Variants in ASAP1 observed in about 807,000 individuals in gnomAD.
ASAP1 encodes the protein arf-GAP with SH3 domain, ANK repeat and PH domain-containing protein 1.
ASAP1 carries 43 observed loss-of-function variants against 145.2 expected under a neutral mutation model. The ratio of observed to expected loss-of-function variants is 0.30; its 90% CI spans 0.23 to 0.38. The LOEUF (loss-of-function observed/expected upper bound fraction) is 0.38. Among genes scored for constraint, ASAP1 ranks in the 10% least tolerant of loss-of-function variants. The probability of loss-of-function intolerance (pLI) is 1.00; values close to 1 mark genes in which losing one functional copy is unlikely to be tolerated. For synonymous variants in ASAP1, 546 were observed against 515.5 expected, an observed-to-expected ratio of 1.06 and a Z score of -0.80; for missense variants, 1,018 against 1,355.3, an observed-to-expected ratio of 0.75 and a Z score of 3.91.
chr8:130,393,513 T>C (rs1420010682), intron 2 of ASAP1, among the ~76,000 whole-genome samples: 1 of 152,204 alleles, frequency 6.6e-6, no homozygotes, highest in Non-Finnish European at 1.5e-5. Flanking sequence ...CCCAGCACTT[T>C]GGGAGGCCAA....
rs553144852 is a variant in ASAP1, at chr8:130,087,391, G to C, written c.2572+4582C>G. Among the ~76,000 whole-genome samples the C allele has an allele frequency of 1.2e-3, 183 of 152,276 alleles. 1 individual carries two copies. Among genetic ancestry groups the C allele is most frequent in the African/African-American group, 4.1e-3 (170 of 41,552 alleles). ...AAAAATCAGCTGGACATTGTGGCGG[G>C]TGCCTGCAATCCCAGCTATTCGGGA... is the stretch of plus-strand genomic sequence containing the variant. On this transcript the variant is annotated intron_variant, in intron 25 of 29. Transcript: ENST00000518721.
chr8:130,252,561 T>C (rs1048532826), intron 3 of ASAP1, among the ~76,000 whole-genome samples: 1 of 152,170 alleles, frequency 6.6e-6, no homozygotes, highest in Non-Finnish European at 1.5e-5. Context: ...CCATGTTGCC[T>C]TGTGAACTGT....
In ASAP1 at chr8:130,440,324, C is replaced by T. The variant is rs773455536; in HGVS notation, c.-28+3136G>A. 3.9e-5 allele frequency among the ~76,000 whole-genome samples: 6 copies of T among 152,148 alleles called. No individual in the cohort carries two copies. In the East Asian group the frequency reaches 5.8e-4, roughly 15 times the overall value. On this transcript the variant is annotated intron_variant, in intron 1 of 29. Coordinates refer to ENST00000518721, the MANE Select transcript of ASAP1 (RefSeq NM_018482.4). ...GAGTTTGAGACCATCCTGATCAACA[C>T]GGCGAAACCCCGTCTCTACTAAAAA...
intron 3 of ASAP1, among the ~76,000 whole-genome samples, chr8:130,252,620 G>C (rs991236026): frequency 6.6e-6 from 1 of 152,016 alleles, no homozygotes; most frequent in East Asian, 1.9e-4. Context: ...TCCTGTCTGG[G>C]GCCCAAAAGA....
chr8:130,358,608 C>A lies in ASAP1; in HGVS notation c.60-465G>T, dbSNP rs1304191464. Among the ~76,000 whole-genome samples, 15 of 146,186 alleles carry A rather than the reference C, an allele frequency of 1.0e-4. No homozygotes were observed. The highest frequency in any genetic ancestry group is 2.0e-4 in the Non-Finnish European group (13 of 65,852). On this transcript the variant is annotated intron_variant, in intron 2 of 29. Transcript: ENST00000518721. This position sits in a 1 kb window ranked among gnomAD's most constrained non-coding sequence, Gnocchi z 4.1. Reference sequence around the variant, plus strand: ...GGCCTGACTGACTGAGCGCACACTCCCGCGGCGGGCGGGCGGGCGGGCGGC... The same window carrying A: ...GGCCTGACTGACTGAGCGCACACTCACGCGGCGGGCGGGCGGGCGGGCGGC...
In ASAP1 at chr8:130,383,508, T is replaced by C. The variant is rs1468913778; in HGVS notation, c.59+18377A>G. ...AGTGCAGAGGACCTACTATATACCA[T>C]GCACCAGGTACAGAGTGCTAAGCTC... On this transcript the variant is annotated intron_variant, in intron 2 of 29. Coordinates refer to ENST00000518721, the MANE Select transcript of ASAP1 (RefSeq NM_018482.4). Among the ~76,000 whole-genome samples the C allele has an allele frequency of 2.6e-5, 4 of 152,134 alleles. No individual in the cohort carries two copies. In the East Asian group the frequency reaches 5.8e-4, roughly 22 times the overall value.
rs2136671620 is a variant in ASAP1 at position 130,236,956 on chromosome 8, C to T, written c.225G>A (p.Lys75=). 2 of 1,605,222 alleles carry T rather than the reference C, an allele frequency of 1.2e-6. No homozygotes were observed. Among genetic ancestry groups the T allele is most frequent in the Admixed American group, 1.7e-5 (1 of 59,676 alleles). ...AATTATATATTGCTTTTACAGACTT[C>T]TTCACTTTCTGAAGGGCTGTTCTAT... The part of the protein sequence containing the change: ...DQDRTALQKV[K]KSVKAIYNSG... The change falls in exon 4 of 30, where the codon AAG becomes AAA. Residue 75 remains lysine (K), a synonymous_variant. Transcript: ENST00000518721.
intron 3 of ASAP1, among the ~76,000 whole-genome samples, chr8:130,241,815 GC>G (rs944524828): frequency 6.6e-6 from 1 of 152,012 alleles, no homozygotes; most frequent in Non-Finnish European, 1.5e-5. Flanking sequence ...TGCTAACTGA[GC>G]AATGGCAATA....
intron 2 of ASAP1, among the ~76,000 whole-genome samples, chr8:130,390,933 T>TA (rs1554902141): frequency 7.5e-6 from 1 of 133,150 alleles, no homozygotes; most frequent in Non-Finnish European, 1.6e-5. Context: ...TGGGTATATA[T>TA]CCCCCGCCCC....
chr8:130,067,531 G>A (rs1036664123), intron 27 of ASAP1, among the ~76,000 whole-genome samples: 2 of 152,094 alleles, frequency 1.3e-5, no homozygotes, highest in African/African-American at 4.8e-5. Context: ...GTATAGCTGG[G>A]ACCACAGGTG....
chr8:130,110,462 C>T (rs897606358), intron 24 of ASAP1, among the ~76,000 whole-genome samples: 20 of 152,228 alleles, frequency 1.3e-4, no homozygotes, highest in African/African-American at 4.6e-4. Context: ...TGCTCTCTGT[C>T]AGACTGCTAC....
intron 3 of ASAP1, among the ~76,000 whole-genome samples, chr8:130,353,937 A>G (rs1351548711): frequency 6.6e-6 from 1 of 151,436 alleles, no homozygotes; most frequent in Non-Finnish European, 1.5e-5. Context: ...CCCAGGCTGG[A>G]GTGCAGTGGC....
intron 1 of ASAP1, among the ~76,000 whole-genome samples, chr8:130,403,210 T>A (rs569859312): frequency 1.3e-5 from 2 of 152,242 alleles, no homozygotes; most frequent in South Asian, 4.1e-4. Context: ...ATAGCAATAA[T>A]TCCTTGATAT....
At chr8:130,098,636 C>T (rs1381546137) in intron 24 of ASAP1, among the ~76,000 whole-genome samples, 10 of 152,224 alleles carry the variant, frequency 6.6e-5, no homozygotes, top group East Asian at 3.9e-4. Flanking sequence ...GTGTGAGCCA[C>T]GGTGCCAGGC....
intron 3 of ASAP1, among the ~76,000 whole-genome samples, chr8:130,334,979 C>T (rs1347743829): frequency 6.6e-6 from 1 of 152,174 alleles, no homozygotes; most frequent in Non-Finnish European, 1.5e-5. Context: ...TCTTCATTGC[C>T]TTCCTGTGCT....
chr8:130,335,323 A>T (rs542568721), intron 3 of ASAP1, among the ~76,000 whole-genome samples: 44 of 152,304 alleles, frequency 2.9e-4, no homozygotes, highest in Admixed American at 2.8e-3. Flanking sequence ...ACTGTCATTC[A>T]ATAAGGTCAC....
intron 5 of ASAP1, among the ~76,000 whole-genome samples, chr8:130,209,557 A>AC (rs1816448008): frequency 2.0e-5 from 3 of 152,058 alleles, no homozygotes; most frequent in Admixed American, 2.0e-4. Context: ...CAGTAAAAAA[A>AC]AAAAAAAGAA....
chr8:130,126,234 A>T, intron 16 of ASAP1, 145 bp from the exon 17 acceptor site: 1 of 770,256 alleles, frequency 1.3e-6, no homozygotes, highest in Non-Finnish European at 2.0e-6. Context: ...CTTGAGGTTT[A>T]GCCTAGGGGC....
intron 23 of ASAP1, among the ~76,000 whole-genome samples, chr8:130,114,769 ATTTTT>A (rs60433249): frequency 7.4e-6 from 1 of 134,932 alleles, no homozygotes; most frequent in Admixed American, 7.5e-5. Flanking sequence ...TTGAAGGTTA[ATTTTT>A]TTTTTTTTTT....
Sources: allele counts gnomAD v4.1 joint callset (sites outside exome capture counted in the v4.1 genomes callset), GRCh38; gene constraint gnomAD v4.1.1; non-coding constraint Gnocchi (gnomAD v3.1); transcripts MANE v1.5; gene names NCBI Gene and HGNC (gene_info 2026-07-23, HGNC 2026-07-21).